The following DEAF1 variants were observed in gnomAD, a reference collection of about 807,000 sequenced individuals.
The protein encoded by DEAF1 is deformed epidermal autoregulatory factor 1 homolog.
Under a neutral mutation model 58.9 loss-of-function variants are expected in DEAF1, and 53 were observed. That is an observed-to-expected ratio of 0.90 (90% CI 0.72 to 1.13). The LOEUF is 1.13. DEAF1 is among the 50% of genes most tolerant of loss of function. The probability of loss-of-function intolerance (pLI) is 0.00; values close to 1 mark genes in which losing one functional copy is unlikely to be tolerated. For missense variants in DEAF1, 685 were observed against 791.4 expected, an observed-to-expected ratio of 0.87 and a Z score of 1.61; for synonymous variants, 385 against 340.4, an observed-to-expected ratio of 1.13 and a Z score of -1.44.
intron 1 of DEAF1, chr11:702,915 A>G: frequency 6.4e-7 from 1 of 1,552,460 alleles, no homozygotes; most frequent in East Asian, 2.3e-5. Context: ...GCCTCGCACC[A>G]CCTTCCCTCC....
chr11:697,314 G>A (rs1443922482), upstream of DEAF1, among the ~76,000 whole-genome samples: 3 of 152,316 alleles, frequency 2.0e-5, no homozygotes, highest in Admixed American at 6.5e-5. Flanking sequence ...ATTACATCAG[G>A]GAAAACACTT....
At chr11:652,956 T>C (rs1383899847) in intron 11 of DEAF1, among the ~76,000 whole-genome samples, 1 of 150,904 alleles carries the variant, frequency 6.6e-6, no homozygotes, top group Non-Finnish European at 1.5e-5. Context: ...TGGTGGCGCA[T>C]GCCTGTAATC....
At chr11:695,778 G>A (rs1861105458), upstream of DEAF1, 4 of 1,237,398 alleles carry the variant, frequency 3.2e-6, no homozygotes, top group East Asian at 6.3e-5. Flanking sequence ...CGAGCGCGCG[G>A]GCCGAGAGGC....
rs1064794382 is a variant in DEAF1, at chr11:679,718, C to T, written c.1096G>A (p.Ala366Thr). ...EATAVISESP[A>T]QGDVFAGATV... ...GCCCCTGCGAAGACGTCGCCCTGGG[C>T]CGGACTCTCTGATATGACAGCAGTG... Residue 366 changes from alanine to threonine, a missense_variant, in exon 8 of 12, where the codon GCC becomes ACC. By Grantham distance (58) the Ala-to-Thr change is moderately conservative. Coordinates refer to ENST00000382409, the MANE Select transcript of DEAF1 (RefSeq NM_021008.4). 5.6e-6 allele frequency: 9 copies of T among 1,613,360 alleles called. No homozygotes were observed. The highest frequency in any genetic ancestry group is 7.6e-6 in the Non-Finnish European group (9 of 1,180,054).
chr11:692,774 CCCGGGAG>C (rs1860888158), intron 1 of DEAF1, among the ~76,000 whole-genome samples: 2 of 152,270 alleles, frequency 1.3e-5, no homozygotes, highest in South Asian at 4.1e-4. Flanking sequence ...ATCACTTGAA[CCCGGGAG>C]GCGGGAGGTT....
chr11:669,782 T>G (rs903504987), intron 10 of DEAF1, among the ~76,000 whole-genome samples: 35 of 151,422 alleles, frequency 2.3e-4, no homozygotes, highest in African/African-American at 8.5e-4. Flanking sequence ...ACACAAAAAT[T>G]AGCTGGGCAT....
intron 5 of DEAF1, among the ~76,000 whole-genome samples, chr11:686,303 A>AC (rs1471955584): frequency 2.0e-5 from 3 of 150,964 alleles, no homozygotes; most frequent in Non-Finnish European, 2.9e-5. Flanking sequence ...AAAAAAAAAA[A>AC]AAAAAACCAC....
At chr11:683,518 T>A (rs940895261) in intron 6 of DEAF1, among the ~76,000 whole-genome samples, 2 of 151,944 alleles carry the variant, frequency 1.3e-5, no homozygotes, top group African/African-American at 4.8e-5. Context: ...CCGTAAGTCT[T>A]AAGACCCCGC....
chr11:702,968 G>A (rs746614079), intron 1 of DEAF1: 21 of 1,609,984 alleles, frequency 1.3e-5, no homozygotes, highest in Non-Finnish European at 9.3e-6. Context: ...CCTGACAGAG[G>A]CTGAGAGGCC....
chr11:669,185 C>T (rs912607365), intron 10 of DEAF1, among the ~76,000 whole-genome samples: 1 of 139,652 alleles, frequency 7.2e-6, no homozygotes, highest in African/African-American at 2.7e-5. Context: ...TTGTCTCAAA[C>T]TCCTGGCCTC....
At chr11:698,865 T>G (rs764303148), upstream of DEAF1, 5 of 1,613,998 alleles carry the variant, frequency 3.1e-6, no homozygotes, top group Admixed American at 5.0e-5. Context: ...CCTTTCTCTT[T>G]CAGGGAGAGG....
upstream of DEAF1, chr11:698,835 G>C: frequency 6.2e-7 from 1 of 1,614,068 alleles, no homozygotes; most frequent in Admixed American, 1.7e-5. Flanking sequence ...CCTGGTGGCT[G>C]TCAGGCCTTG....
At chr11:701,722 C>T (rs77250085) in intron 1 of DEAF1, among the ~76,000 whole-genome samples, 8,316 of 152,104 alleles carry the variant, frequency 0.055, 399 homozygotes, top group East Asian at 0.19. Context: ...GACAGGGTTT[C>T]GCTATGTTAC....
rs199963779 is a variant in DEAF1, at chr11:670,779, T to G, written c.1503+3757A>C. Among the ~76,000 whole-genome samples, 584 of 77,222 alleles carry G rather than the reference T, an allele frequency of 7.6e-3. 19 individuals are homozygous for G. Among genetic ancestry groups the G allele is most frequent in the South Asian group, 0.014 (30 of 2,082 alleles). 50.7% of individuals were successfully genotyped at this position (77,222 alleles called of 152,430 possible). A position where few individuals can be genotyped will look rare whatever the true frequency, so the allele number is the denominator to read the frequency against. ...ATTTCTTTTTTCTTTTTGTTTTTGT[T>G]TTTTTTTTTTTTTTTTGAGACGAGG... On this transcript the variant is annotated intron_variant, in intron 10 of 11. Transcript: ENST00000382409.
At chr11:669,312 G>A (rs1157822629) in intron 10 of DEAF1, among the ~76,000 whole-genome samples, 2 of 151,942 alleles carry the variant, frequency 1.3e-5, no homozygotes, top group African/African-American at 2.4e-5. Flanking sequence ...AAGCATATTG[G>A]AGTTGAATTA....
intron 5 of DEAF1, among the ~76,000 whole-genome samples, chr11:686,104 G>A (rs868596239): frequency 5.4e-4 from 79 of 147,202 alleles, no homozygotes; most frequent in Admixed American, 1.0e-3. Context: ...CCAACATGGT[G>A]AAACCCCATC....
chr11:681,147 T>C, intron 6 of DEAF1, 58 bp from the exon 7 acceptor site: 1 of 1,611,714 alleles, frequency 6.2e-7, no homozygotes, highest in Non-Finnish European at 8.5e-7. Context: ...ATGCTGCGCT[T>C]GCAACTCCTC....
At chr11:680,877 C>T in intron 7 of DEAF1, 86 bp downstream of exon 7, 2 of 1,582,322 alleles carry the variant, frequency 1.3e-6, no homozygotes, top group Non-Finnish European at 1.7e-6. Flanking sequence ...AGTGAGAATC[C>T]CGCAGTGGCC....
chr11:658,867 G>A (rs903719136), intron 10 of DEAF1, among the ~76,000 whole-genome samples: 4 of 152,236 alleles, frequency 2.6e-5, no homozygotes, highest in African/African-American at 7.2e-5. Flanking sequence ...AATAGCTGGT[G>A]TACTCTGGTC....
Sources: allele counts gnomAD v4.1 joint callset (sites outside exome capture counted in the v4.1 genomes callset), GRCh38; gene constraint gnomAD v4.1.1; transcripts MANE v1.5; gene names NCBI Gene and HGNC (gene_info 2026-07-23, HGNC 2026-07-21).